The following GBP4 variants were observed in gnomAD, a reference collection of about 807,000 sequenced individuals.
GBP4 encodes guanylate-binding protein 4.
In GBP4, 69 loss-of-function variants were observed where a neutral mutation model predicts 62.2. The ratio of observed to expected loss-of-function variants is 1.11; its 90% CI spans 0.91 to 1.36. The LOEUF is 1.36. GBP4 is among the 40% of genes most tolerant of loss of function. GBP4 has a pLI of 0.00. For synonymous variants in GBP4, 278 were observed against 274.6 expected (o/e 1.01, Z -0.12); for missense variants, 697 against 759.3 (o/e 0.92, Z 0.96).
rs1030397173 is a variant in GBP4 at position 89,183,129 on chromosome 1, C to G, written c.*2125G>C. 7 of 152,174 alleles carry G rather than the reference C, an allele frequency of 4.6e-5. No individual in the cohort carries two copies. The highest frequency in any genetic ancestry group is 4.6e-4 in the Admixed American group (7 of 15,288). The allele number at this position is 152,174 out of a possible 1,614,324, so 9.4% of individuals were successfully genotyped here. ...ACATAAAGAACAAAAGGGGAGGCAT[C>G]AAGTTACCAAACCTCAAACCATACT... is the stretch of plus-strand genomic sequence containing the variant. On this transcript the variant is annotated 3_prime_UTR_variant, in exon 11 of 11. Transcript: ENST00000355754.
intron 6 of GBP4, 55 bp from the exon 7 acceptor site, chr1:89,190,373 G>A (rs560707763): frequency 4.9e-6 from 7 of 1,435,550 alleles, no homozygotes; most frequent in Non-Finnish European, 6.5e-6. Flanking sequence ...ATTTATACAA[G>A]TTTTAAGAGT....
chr1:89,186,638 G>C lies in GBP4; in HGVS notation c.1514-112C>G, dbSNP rs919114645. On this transcript the variant is annotated intron_variant, in intron 9 of 10. Coordinates refer to ENST00000355754, the MANE Select transcript of GBP4 (RefSeq NM_052941.5). ...GAAAAGCACAAAGGTGAGGGATTGG[G>C]AATCTCTGAATTATCTCACTAGCCA... 14 of 916,124 alleles carry C rather than the reference G, an allele frequency of 1.5e-5. No individual in the cohort carries two copies. The African/African-American group carries it at 2.2e-4, about 14-fold the overall frequency. 56.7% of individuals were successfully genotyped at this position (916,124 alleles called of 1,614,324 possible). A position where few individuals can be genotyped will look rare whatever the true frequency, so the allele number is the denominator to read the frequency against.
rs535943758 is a variant in GBP4, at chr1:89,182,088, T to C, written c.*3166A>G. On this transcript the variant is annotated 3_prime_UTR_variant, in exon 11 of 11. Coordinates refer to ENST00000355754, the MANE Select transcript of GBP4 (RefSeq NM_052941.5). ...AAGGACATAGGGTGAGGAAGCCGGG[T>C]TGTTTTAAGAAGCCTGTGTCCCCTG... 3 of 152,018 alleles carry C rather than the reference T, an allele frequency of 2.0e-5. No homozygotes were observed. The South Asian group carries it at 6.2e-4, about 32-fold the overall frequency. The allele number at this position is 152,018 out of a possible 1,614,324, so 9.4% of individuals were successfully genotyped here. A position where few individuals can be genotyped will look rare whatever the true frequency, so the allele number is the denominator to read the frequency against.
At chr1:89,198,658 G>A in intron 1 of GBP4, 137 bp downstream of exon 1, 1 of 770,758 alleles carries the variant, frequency 1.3e-6, no homozygotes, top group Non-Finnish European at 2.3e-6. Flanking sequence ...ACTTCCCCGC[G>A]AGGTTCCTCC....
chr1:89,192,459 A>C (rs962136648), intron 5 of GBP4, among the ~76,000 whole-genome samples: 1 of 152,168 alleles, frequency 6.6e-6, no homozygotes, highest in Non-Finnish European at 1.5e-5. Context: ...AATGAAATAG[A>C]TAGGGTGAAA....
In GBP4 at chr1:89,195,306, A is replaced by G. The variant is rs1303487837; in HGVS notation, c.354T>C (p.Asp118=). The change falls in exon 3 of 11, where the codon GAT becomes GAC. Residue 118 remains aspartate (D), a synonymous_variant. Coordinates refer to ENST00000355754, the MANE Select transcript of GBP4 (RefSeq NM_052941.5). The stretch of plus-strand genomic sequence containing the variant: ...AGTTTCTCTGCCTTACCTTTTCTAC[A>G]TCGCCCAGGCCCTCGGTGTCCAGAA... ...LVLLDTEGLG[D]VEKSNPKNDS... 2.5e-6 allele frequency: 4 copies of G among 1,613,782 alleles called. No homozygotes were observed. Among genetic ancestry groups the G allele is most frequent in the Non-Finnish European group, 3.4e-6 (4 of 1,179,762 alleles).
Position 89,181,597 on chromosome 1 carries a change from A to G in GBP4, c.*3657T>C, listed in dbSNP as rs531638257. On this transcript the variant is annotated 3_prime_UTR_variant, in exon 11 of 11. Coordinates refer to ENST00000355754, the MANE Select transcript of GBP4 (RefSeq NM_052941.5). ...ATATACATTTATATTTATATGTACT[A>G]TATAAATACCCAATAGTAGAATTGC... 11 of 152,216 alleles carry G rather than the reference A, an allele frequency of 7.2e-5. No homozygotes were observed. Among genetic ancestry groups the G allele is most frequent in the African/African-American group, 2.2e-4 (9 of 41,566 alleles). 9.4% of individuals were successfully genotyped at this position (152,216 alleles called of 1,614,324 possible).
chr1:89,193,213 G>A (rs1648236997), intron 4 of GBP4, 90 bp downstream of exon 4: 5 of 1,525,290 alleles, frequency 3.3e-6, no homozygotes, highest in Non-Finnish European at 4.5e-6. Flanking sequence ...TACTCAACCA[G>A]GACAACTGAG....
chr1:89,190,178 T>A lies in GBP4; in HGVS notation c.1057A>T (p.Met353Leu). Reference sequence around the variant, plus strand: ...GTGGGGAGCCTCAGTTGCTGGGCCATCTGCTGGCTATAGTGGTCGGCTGCC... The same window carrying A: ...GTGGGGAGCCTCAGTTGCTGGGCCAACTGCTGGCTATAGTGGTCGGCTGCC... Reference protein sequence around the residue: ...QRAADHYSQQMAQQLRLPTDT... With the variant: ...QRAADHYSQQLAQQLRLPTDT... The change falls in exon 7 of 11, where the codon ATG becomes TTG. Residue 353 changes from methionine (M) to leucine (L), a missense_variant. By Grantham distance (15) the Met-to-Leu change is conservative. Coordinates refer to ENST00000355754, the MANE Select transcript of GBP4 (RefSeq NM_052941.5). The A allele has an allele frequency of 6.2e-7, 1 of 1,614,186 alleles. No individual in the cohort carries two copies. Among genetic ancestry groups the A allele is most frequent in the Non-Finnish European group, 8.5e-7 (1 of 1,180,010 alleles).
rs371270206 is a variant in GBP4, at chr1:89,187,683, A to C, written c.1411-581T>G. ...AATATATTAAAAAATGAGCAAAGAA[A>C]CTAAATAGACTTTCGTCAAAAGAAG... On this transcript the variant is annotated intron_variant, in intron 8 of 10. Coordinates refer to ENST00000355754, the MANE Select transcript of GBP4 (RefSeq NM_052941.5). Among the ~76,000 whole-genome samples the C allele has an allele frequency of 3.7e-4, 56 of 152,322 alleles. 6 individuals are homozygous for C. The highest frequency in any genetic ancestry group is 9.2e-4 in the Admixed American group (14 of 15,298).
rs1647897987 is a variant in GBP4 at position 89,182,147 on chromosome 1, AAGG to A, written c.*3104_*3106del. ...CCCATGGCATATCTTGTAGAATTAC[AAGG>A]AGTTCATTCTGTAGCAGGATGAGCT... On this transcript the variant is annotated 3_prime_UTR_variant, in exon 11 of 11. Coordinates refer to ENST00000355754, the MANE Select transcript of GBP4 (RefSeq NM_052941.5). 1 of 152,218 alleles carries A rather than the reference AAGG, an allele frequency of 6.6e-6. No individual in the cohort carries two copies. The highest frequency in any genetic ancestry group is 1.5e-5 in the Non-Finnish European group (1 of 68,032). The allele number at this position is 152,218 out of a possible 1,614,324, so 9.4% of individuals were successfully genotyped here. A position where few individuals can be genotyped will look rare whatever the true frequency, so the allele number is the denominator to read the frequency against.
At position 89,191,322 on chromosome 1, in the gene GBP4, A is replaced by G; in HGVS notation, c.855T>C (p.Ser285=). 6.2e-7 allele frequency: 1 copy of G among 1,614,228 alleles called. No homozygotes were observed. Among genetic ancestry groups the G allele is most frequent in the South Asian group, 1.1e-5 (1 of 91,088 alleles). The change falls in exon 6 of 11, where the codon TCT becomes TCC. Residue 285 remains serine (S), a synonymous_variant. Coordinates refer to ENST00000355754, the MANE Select transcript of GBP4 (RefSeq NM_052941.5). Reference sequence around the variant, plus strand: ...TGGTCTTTGCATGGGTGAAGATATAAGAACAGAAGTTGTCTGATTGCATAA... The same window carrying G: ...TGGTCTTTGCATGGGTGAAGATATAGGAACAGAAGTTGTCTGATTGCATAA... ...HFLMQSDNFC[S]YIFTHAKTKT... is the part of the protein sequence containing the mutation.
chr1:89,181,637 G>A lies in GBP4; in HGVS notation c.*3617C>T, dbSNP rs1474456681. ...AGTAGAATTGCTAGACAAAATGTAT[G>A]TACATTAAAATTTTGATATACAATT... On this transcript the variant is annotated 3_prime_UTR_variant, in exon 11 of 11. Coordinates refer to ENST00000355754, the MANE Select transcript of GBP4 (RefSeq NM_052941.5). 6.6e-6 allele frequency: 1 copy of A among 152,036 alleles called. No homozygotes were observed. The highest frequency in any genetic ancestry group is 1.5e-5 in the Non-Finnish European group (1 of 68,016). 9.4% of individuals were successfully genotyped at this position (152,036 alleles called of 1,614,324 possible). A position where few individuals can be genotyped will look rare whatever the true frequency, so the allele number is the denominator to read the frequency against.
At chr1:89,186,599 C>T in intron 9 of GBP4, 73 bp from the exon 10 acceptor site, 2 of 1,344,934 alleles carry the variant, frequency 1.5e-6, no homozygotes, top group Non-Finnish European at 2.0e-6. Context: ...GAGCTCAGAT[C>T]AAACTGACTC....
At chr1:89,194,676 T>C (rs1020685567) in intron 3 of GBP4, among the ~76,000 whole-genome samples, 1 of 152,214 alleles carries the variant, frequency 6.6e-6, no homozygotes, top group Admixed American at 6.5e-5. Flanking sequence ...TACAATATTC[T>C]TTGTGGGTCT....
At position 89,198,851 on chromosome 1, in the gene GBP4, G is replaced by C; in HGVS notation, c.-17C>G. 6.2e-7 allele frequency: 1 copy of C among 1,612,770 alleles called. No homozygotes were observed. The highest frequency in any genetic ancestry group is 8.5e-7 in the Non-Finnish European group (1 of 1,178,788). ...CTCACCCATTGCTCTGTCCTCCTGC[G>C]CCTGGATCCTCGAGAAACGGACTGT... On this transcript the variant is annotated 5_prime_UTR_variant, in exon 1 of 11. Coordinates refer to ENST00000355754, the MANE Select transcript of GBP4 (RefSeq NM_052941.5).
intron 10 of GBP4, 21 bp from the exon 11 acceptor site, chr1:89,185,490 A>T: frequency 2.3e-6 from 3 of 1,301,218 alleles, no homozygotes; most frequent in African/African-American, 2.9e-5. Flanking sequence ...GAAATAGTCC[A>T]CTTTTGAAAA....
chr1:89,185,079 G>T lies in GBP4; in HGVS notation c.*175C>A. ...AAATTATTAGTTCAATCAAAATTAA[G>T]TTTGTTTTTTGTGGATGTCAGGCCC... is the stretch of plus-strand genomic sequence containing the variant. On this transcript the variant is annotated 3_prime_UTR_variant, in exon 11 of 11. Coordinates refer to ENST00000355754, the MANE Select transcript of GBP4 (RefSeq NM_052941.5). 2.1e-6 allele frequency: 1 copy of T among 483,494 alleles called. No homozygotes were observed. The highest frequency in any genetic ancestry group is 4.1e-5 in the South Asian group (1 of 24,552). 30.0% of individuals were successfully genotyped at this position (483,494 alleles called of 1,614,324 possible). A position where few individuals can be genotyped will look rare whatever the true frequency, so the allele number is the denominator to read the frequency against.
chr1:89,195,575 T>C (rs778404405), intron 2 of GBP4, 151 bp from the exon 3 acceptor site: 39 of 868,802 alleles, frequency 4.5e-5, no homozygotes, highest in Non-Finnish European at 5.9e-5. Flanking sequence ...CTGACCTTTA[T>C]ATGTATTAAG....
Sources: gnomAD v4.1 joint callset for allele counts (sites outside exome capture counted in the v4.1 genomes callset) on GRCh38, gnomAD v4.1.1 for gene constraint, MANE v1.5 for transcripts, NCBI Gene and HGNC (gene_info 2026-07-23, HGNC 2026-07-21) for gene names.